Variants in FLT1 observed in about 807,000 individuals in gnomAD.
The protein encoded by FLT1 is fms related receptor tyrosine kinase 1, also known as vascular endothelial growth factor receptor 1.
Under a neutral mutation model 156.3 loss-of-function variants are expected in FLT1, and 49 were observed. That is an observed-to-expected ratio of 0.31 (90% CI 0.25 to 0.40). The LOEUF is 0.40. Among genes scored for constraint, FLT1 ranks in the 10% least tolerant of loss-of-function variants. The pLI is 1.00. For synonymous variants in FLT1, 594 were observed against 583.8 expected, an observed-to-expected ratio of 1.02 and a Z score of -0.25; for missense variants, 1,322 against 1,637.2, an observed-to-expected ratio of 0.81 and a Z score of 3.32.
At chr13:28,488,065 T>C (rs1023118666) in intron 1 of FLT1, among the ~76,000 whole-genome samples, 2 of 151,722 alleles carry the variant, frequency 1.3e-5, no homozygotes, top group African/African-American at 4.8e-5. Flanking sequence ...TCTAGTCCCT[T>C]AGTCACACAC....
In FLT1 at chr13:28,319,525, G is replaced by C. The variant is rs756508162; in HGVS notation, c.3184C>G (p.Pro1062Ala). 6.2e-7 allele frequency: 1 copy of C among 1,612,038 alleles called. No individual in the cohort carries two copies. The highest frequency in any genetic ancestry group is 8.5e-7 in the Non-Finnish European group (1 of 1,178,284). The change falls in exon 24 of 30, where the codon CCT (proline) becomes GCT (alanine). Residue 1062 changes from proline to alanine, a missense_variant. Pro to Ala is a conservative substitution (Grantham distance 27). This residue lies in a region of FLT1 where 329 missense variants were observed against 366.2 expected (regional missense o/e 0.90). Transcript: ENST00000282397. ...GATTCAGGAGCCATCCATTTCAGAGGAAGTCGAGTCTAGAAGAGGGCAAGG... is the reference window on the plus strand; with the variant it reads ...GATTCAGGAGCCATCCATTTCAGAGCAAGTCGAGTCTAGAAGAGGGCAAGG... ...DYVRKGDTRL[P>A]LKWMAPESIF... is the part of the protein sequence containing the mutation.
At chr13:28,330,515 T>C (rs890440258) in intron 18 of FLT1, among the ~76,000 whole-genome samples, 4 of 151,128 alleles carry the variant, frequency 2.6e-5, no homozygotes, top group Admixed American at 6.6e-5. Flanking sequence ...CTTGCCTTCT[T>C]AGAAGCAGCC....
intron 18 of FLT1, among the ~76,000 whole-genome samples, chr13:28,331,868 T>A (rs1012551248): frequency 6.6e-6 from 1 of 150,652 alleles, no homozygotes; most frequent in African/African-American, 2.5e-5. Flanking sequence ...AAAAAAAAAA[T>A]AGGCATTTAT....
At chr13:28,347,162 A>G (rs1872595747) in intron 15 of FLT1, among the ~76,000 whole-genome samples, 1 of 152,236 alleles carries the variant, frequency 6.6e-6, no homozygotes, top group Admixed American at 6.5e-5. Context: ...GGCATTTGAC[A>G]TGAATTTTAA....
At chr13:28,481,290 C>T (rs781268296) in intron 1 of FLT1, among the ~76,000 whole-genome samples, 1 of 151,440 alleles carries the variant, frequency 6.6e-6, no homozygotes, top group Non-Finnish European at 1.5e-5. Context: ...AGTCTACAGT[C>T]GAGTCAGGAG....
intron 29 of FLT1, among the ~76,000 whole-genome samples, chr13:28,304,946 A>C (rs369467987): frequency 6.6e-6 from 1 of 152,170 alleles, no homozygotes; most frequent in Non-Finnish European, 1.5e-5. Flanking sequence ...ATGGATATTT[A>C]GGTTGTTTCT....
At chr13:28,325,385 A>G (rs1871634763) in intron 20 of FLT1, among the ~76,000 whole-genome samples, 1 of 152,116 alleles carries the variant, frequency 6.6e-6, no homozygotes, top group Non-Finnish European at 1.5e-5. Flanking sequence ...GAGTCAAGAG[A>G]GCTGAGTTCT....
chr13:28,428,476 A>G (rs1171426853), intron 8 of FLT1, among the ~76,000 whole-genome samples: 1 of 74,770 alleles, frequency 1.3e-5, no homozygotes, highest in African/African-American at 6.6e-5. Context: ...TAAGGCACAG[A>G]AAAAAAAAAA....
chr13:28,463,857 T>A (rs549514300), intron 3 of FLT1, among the ~76,000 whole-genome samples: 1 of 152,296 alleles, frequency 6.6e-6, no homozygotes, highest in Non-Finnish European at 1.5e-5. Flanking sequence ...AAAGTTATGA[T>A]TGTTTAATGG....
intron 14 of FLT1, among the ~76,000 whole-genome samples, chr13:28,363,004 A>G (rs1565986245): frequency 6.6e-6 from 1 of 152,124 alleles, no homozygotes; most frequent in Admixed American, 6.5e-5. Context: ...CCACTCTTGC[A>G]TTTATTTCCC....
intron 18 of FLT1, among the ~76,000 whole-genome samples, chr13:28,332,908 A>G (rs1871984051): frequency 1.3e-5 from 2 of 152,184 alleles, no homozygotes; most frequent in African/African-American, 4.8e-5. Flanking sequence ...GGAGGGTGCT[A>G]GCATGCCTCT....
intron 10 of FLT1, among the ~76,000 whole-genome samples, chr13:28,423,161 G>T (rs532187941): frequency 6.6e-6 from 1 of 152,204 alleles, no homozygotes; most frequent in South Asian, 2.1e-4. Flanking sequence ...GCAGGCATCA[G>T]CTCCCCCACA....
At chr13:28,385,451 T>C (rs893541998) in intron 13 of FLT1, 5 of 927,946 alleles carry the variant, frequency 5.4e-6, no homozygotes, top group Non-Finnish European at 6.5e-6. Context: ...GCTAATATAA[T>C]TTTGTGTGAG....
At chr13:28,369,887 G>A (rs1458528893) in intron 14 of FLT1, among the ~76,000 whole-genome samples, 1 of 151,958 alleles carries the variant, frequency 6.6e-6, no homozygotes, top group Non-Finnish European at 1.5e-5. Flanking sequence ...AAAAGAATAA[G>A]ACTGGGGACA....
chr13:28,386,596 C>A (rs1005492868), intron 13 of FLT1: 1 of 1,055,228 alleles, frequency 9.5e-7, no homozygotes, highest in South Asian at 4.6e-5. Flanking sequence ...CTAAGCAGAA[C>A]GTTACGATAT....
intron 3 of FLT1, among the ~76,000 whole-genome samples, chr13:28,455,254 C>T (rs763708179): frequency 1.1e-4 from 16 of 152,066 alleles, no homozygotes; most frequent in Non-Finnish European, 2.1e-4. Flanking sequence ...AGACTTACTA[C>T]AAAGCTATAG....
intron 14 of FLT1, 81 bp from the exon 15 acceptor site, chr13:28,357,766 T>A: frequency 7.7e-7 from 1 of 1,291,740 alleles, no homozygotes; most frequent in Non-Finnish European, 1.1e-6. Context: ...GCCTTCTTCC[T>A]ATCATTATGC....
chr13:28,376,699 C>T (rs1315841402), intron 14 of FLT1, among the ~76,000 whole-genome samples: 1 of 152,262 alleles, frequency 6.6e-6, no homozygotes, highest in East Asian at 1.9e-4. Flanking sequence ...TGCCAGTAGC[C>T]CCTCTTGCAG....
intron 1 of FLT1, among the ~76,000 whole-genome samples, chr13:28,493,540 C>G (rs566455022): frequency 6.6e-6 from 1 of 152,230 alleles, no homozygotes; most frequent in East Asian, 1.9e-4. Context: ...TGTTGTTGTA[C>G]TACGCTCCAT....
Sources: gnomAD v4.1 joint callset for allele counts (sites outside exome capture counted in the v4.1 genomes callset) on GRCh38, gnomAD v4.1.1 for gene constraint, gnomAD v4.1.1 regional missense constraint, MANE v1.5 for transcripts, NCBI Gene and HGNC (gene_info 2026-07-23, HGNC 2026-07-21) for gene names.